Variants in SYNE2 observed in about 807,000 individuals in gnomAD.
SYNE2 encodes the protein spectrin repeat containing nuclear envelope protein 2.
In SYNE2, 431 loss-of-function variants were observed where a neutral mutation model predicts 856.3. The ratio of observed to expected loss-of-function variants is 0.50; its 90% CI spans 0.47 to 0.55. SYNE2 has a LOEUF of 0.55. Among genes scored for constraint, SYNE2 ranks in the 20% least tolerant of loss-of-function variants. SYNE2 has a pLI of 0.00. For missense variants in SYNE2, 8,129 were observed against 8,023.2 expected (o/e 1.01, Z -0.50); for synonymous variants, 2,923 against 2,872.3 (o/e 1.02, Z -0.56).
chr14:63,801,641 T>C (rs186113455), intron 1 of SYNE2, among the ~76,000 whole-genome samples: 7 of 151,868 alleles, frequency 4.6e-5, no homozygotes, highest in Admixed American at 2.6e-4. Context: ...GCCATTGCAC[T>C]CCAACCTGGG....
In SYNE2 at chr14:63,974,851, C is replaced by CGT. The variant is rs1566949091; in HGVS notation, c.1129-1712_1129-1711insGT. Among the ~76,000 whole-genome samples the CGT allele has an allele frequency of 8.3e-3, 440 of 52,748 alleles. 7 individuals are homozygous for CGT. Among genetic ancestry groups the CGT allele is most frequent in the Non-Finnish European group, 0.012 (302 of 25,318 alleles). The allele number at this position is 52,748 out of a possible 152,430, so 34.6% of individuals were successfully genotyped here. A position where few individuals can be genotyped will look rare whatever the true frequency, so the allele number is the denominator to read the frequency against. ...GTATATAGACGTGTGTGTGTGTGTA[C>CGT]ATGTGTGTGTGTGTGTGTGTGTGTG... On this transcript the variant is annotated intron_variant, in intron 11 of 115. Coordinates refer to ENST00000555002, the MANE Select transcript of SYNE2 (RefSeq NM_182914.3).
At chr14:64,035,373 C>T (rs2097078911) in intron 45 of SYNE2, among the ~76,000 whole-genome samples, 1 of 152,020 alleles carries the variant, frequency 6.6e-6, no homozygotes, top group Admixed American at 6.5e-5. Context: ...AAAGTTATAA[C>T]AGAGCACATA....
In SYNE2 at chr14:63,845,432, G is replaced by T. The variant is rs575386109; in HGVS notation, c.-304-7069G>T. On this transcript the variant is annotated intron_variant, in intron 1 of 23. Coordinates refer to the SYNE2 transcript ENST00000674003. ...ACTCTGTCTCAAAAAAAAAAAAAAA[G>T]TCAAATGTATTTTCATAATACTATG... is the stretch of plus-strand genomic sequence containing the variant. Among the ~76,000 whole-genome samples the T allele has an allele frequency of 7.3e-5, 11 of 149,880 alleles. No homozygotes were observed. The South Asian group carries it at 2.1e-3, about 29-fold the overall frequency.
chr14:64,224,549 T>G lies in SYNE2; in HGVS notation c.20469+2T>G, dbSNP rs2098709658. On this transcript the variant is annotated splice_donor_variant, in intron 114 of 115. Coordinates refer to ENST00000555002, the MANE Select transcript of SYNE2 (RefSeq NM_182914.3). LOFTEE classifies it high-confidence loss of function. ...TCCGTGCCAGCTCCCCGAGCAAAGG[T>G]AAGAAGCCCCTTCCTTCTGTGAGAA... The G allele has an allele frequency of 6.2e-7, 1 of 1,613,986 alleles. No individual in the cohort carries two copies. Among genetic ancestry groups the G allele is most frequent in the Non-Finnish European group, 8.5e-7 (1 of 1,179,980 alleles).
intron 7 of SYNE2, among the ~76,000 whole-genome samples, chr14:63,954,469 A>C (rs929258643): frequency 7.2e-5 from 11 of 152,302 alleles, no homozygotes; most frequent in Admixed American, 6.5e-4. Context: ...CATTTCTAAC[A>C]CCTGCACCCC....
At chr14:63,910,639 T>C (rs1009637064) in intron 2 of SYNE2, among the ~76,000 whole-genome samples, 1 of 152,242 alleles carries the variant, frequency 6.6e-6, no homozygotes, top group Non-Finnish European at 1.5e-5. Context: ...AGATTTGTAA[T>C]GCTGGCTCTG....
intron 21 of SYNE2, among the ~76,000 whole-genome samples, chr14:63,991,362 A>C (rs1376458299): frequency 6.6e-6 from 1 of 152,130 alleles, no homozygotes; most frequent in African/African-American, 2.4e-5. Context: ...AGTGCAGCCG[A>C]CTCTATGACA....
In SYNE2 at chr14:63,998,261, A is replaced by G; in HGVS notation, c.3286A>G (p.Arg1096Gly). The change falls in exon 26 of 116, where the codon AGG (arginine) becomes GGG (glycine). Residue 1096 changes from arginine to glycine, a missense_variant. Arg to Gly is a moderately radical substitution (Grantham distance 125). This residue lies in a region of SYNE2 where 2,422 missense variants were observed against 2,357.4 expected (regional missense o/e 1.03). Transcript: ENST00000555002. ...GAAGTTTAGCCTGGCATCAGTGTTA[A>G]GGCCTCTGCAAGAAGAAAGCATTAT... is the stretch of plus-strand genomic sequence containing the variant. ...TMKFSLASVL[R>G]PLQEESIMEK... 1 of 1,614,098 alleles carries G rather than the reference A, an allele frequency of 6.2e-7. No homozygotes were observed. The highest frequency in any genetic ancestry group is 1.1e-5 in the South Asian group (1 of 91,086).
At chr14:64,084,514 G>A (rs570462523) in intron 57 of SYNE2, 19 of 161,066 alleles carry the variant, frequency 1.2e-4, no homozygotes, top group Middle Eastern at 3.2e-3. Flanking sequence ...GTAGTCTTAC[G>A]TGGCTCACTT....
At chr14:64,079,212 T>C in intron 55 of SYNE2, among the ~76,000 whole-genome samples, 1 of 152,328 alleles carries the variant, frequency 6.6e-6, no homozygotes, top group South Asian at 2.1e-4. Context: ...TTCAATAGAA[T>C]ATGAAAAATA....
intron 1 of SYNE2, among the ~76,000 whole-genome samples, chr14:63,900,157 C>G (rs2095316718): frequency 6.6e-6 from 1 of 152,184 alleles, no homozygotes; most frequent in African/African-American, 2.4e-5. Flanking sequence ...GGTGGTTTCT[C>G]ACCACAGTTG....
chr14:63,993,660 G>C (rs980903413), intron 21 of SYNE2, among the ~76,000 whole-genome samples, 175 bp from the exon 22 acceptor site: 1 of 152,080 alleles, frequency 6.6e-6, no homozygotes, highest in African/African-American at 2.4e-5. Flanking sequence ...GATTTCAAAG[G>C]GCTAGCAACC....
At chr14:63,930,169 C>T (rs1432571169) in intron 2 of SYNE2, among the ~76,000 whole-genome samples, 1 of 151,864 alleles carries the variant, frequency 6.6e-6, no homozygotes, top group Non-Finnish European at 1.5e-5. Flanking sequence ...TGCCTATGGT[C>T]CAGCTACTCA....
Position 64,225,686 on chromosome 14 carries a change from C to T in SYNE2, c.*160C>T. 2 of 805,480 alleles carry T rather than the reference C, an allele frequency of 2.5e-6. No homozygotes were observed. Among genetic ancestry groups the T allele is most frequent in the African/African-American group, 1.7e-5 (1 of 58,722 alleles). 49.9% of individuals were successfully genotyped at this position (805,480 alleles called of 1,614,324 possible). On this transcript the variant is annotated 3_prime_UTR_variant, in exon 116 of 116. Transcript: ENST00000555002. ...AGCACGGGCTCCCTGGAGCCCAGGG[C>T]AGCTTTCAGATTGTGTTCCTCCCCA... is the stretch of plus-strand genomic sequence containing the variant.
At chr14:63,924,954 G>C (rs1038761147) in intron 2 of SYNE2, among the ~76,000 whole-genome samples, 1 of 144,834 alleles carries the variant, frequency 6.9e-6, no homozygotes, top group South Asian at 2.2e-4. Context: ...TTAGTTTCTT[G>C]TTATTAAATA....
rs780240193 is a variant in SYNE2 at position 64,126,600 on chromosome 14, G to A, written c.13710G>A (p.Thr4570=). ...GTCTTCCTTCCTCTCCACTCCAGACGCTGGCTCTTGAGTTGAAGAAACTTT... is the reference window on the plus strand; with the variant it reads ...GTCTTCCTTCCTCTCCACTCCAGACACTGGCTCTTGAGTTGAAGAAACTTT... ...DGSGQQVHYE[T]LALELKKLYL... Residue 4570 remains threonine, a splice_region_variant and synonymous_variant, in exon 73 of 116, where the codon ACG becomes ACA. Transcript: ENST00000555002. 6.8e-6 allele frequency: 11 copies of A among 1,614,182 alleles called. No individual in the cohort carries two copies. Among genetic ancestry groups the A allele is most frequent in the South Asian group, 4.4e-5 (4 of 91,078 alleles).
chr14:63,961,160 C>G (rs751287591), intron 8 of SYNE2, among the ~76,000 whole-genome samples: 8 of 152,188 alleles, frequency 5.3e-5, no homozygotes, highest in Non-Finnish European at 7.3e-5. Flanking sequence ...TTCCTGCATT[C>G]CTGGAGGAAT....
chr14:64,172,104 G>A (rs189987281), intron 94 of SYNE2, among the ~76,000 whole-genome samples: 147 of 152,338 alleles, frequency 9.6e-4, no homozygotes, highest in African/African-American at 3.4e-3. Context: ...ACCCACCTCA[G>A]CTTCCCAAAG....
At chr14:63,885,086 C>T (rs543104126) in intron 1 of SYNE2, among the ~76,000 whole-genome samples, 1 of 152,290 alleles carries the variant, frequency 6.6e-6, no homozygotes, top group Non-Finnish European at 1.5e-5. Context: ...GCCATTGCCT[C>T]AGCTGCAGTG....
Sources: allele counts gnomAD v4.1 joint callset (sites outside exome capture counted in the v4.1 genomes callset), GRCh38; gene constraint gnomAD v4.1.1; regional missense constraint gnomAD v4.1.1; transcripts MANE v1.5; gene names NCBI Gene and HGNC (gene_info 2026-07-23, HGNC 2026-07-21).